The following MYO9B variants were observed in gnomAD, a reference collection of about 807,000 sequenced individuals.
The protein encoded by MYO9B is unconventional myosin-IXb.
Under a neutral mutation model 229.5 loss-of-function variants are expected in MYO9B, and 71 were observed. That is an observed-to-expected ratio of 0.31 (90% CI 0.26 to 0.38). The LOEUF (loss-of-function observed/expected upper bound fraction) is 0.38. Ranked by LOEUF, MYO9B falls within the 10% of genes least tolerant of loss-of-function variation. The pLI, the probability that MYO9B is intolerant of heterozygous loss-of-function variation, is 1.00. For synonymous variants in MYO9B, 1,185 were observed against 1,235.8 expected, an observed-to-expected ratio of 0.96 and a Z score of 0.86; for missense variants, 2,255 against 2,920.5, an observed-to-expected ratio of 0.77 and a Z score of 5.25.
intron 10 of MYO9B, among the ~76,000 whole-genome samples, chr19:17,166,123 A>ACCT (rs2072656940): frequency 2.0e-5 from 3 of 151,764 alleles, no homozygotes; most frequent in South Asian, 2.1e-4. Flanking sequence ...GTTCACTGCA[A>ACCT]CCTCCACCTC....
Position 17,194,812 on chromosome 19 carries a change from C to T in MYO9B, c.3385C>T (p.Pro1129Ser). The change falls in exon 22 of 40, where the codon CCC becomes TCC. Residue 1129 changes from proline (P) to serine (S), a missense_variant. Coordinates refer to ENST00000682292, the MANE Select transcript of MYO9B (RefSeq NM_004145.4). ...EAPSPEKTLP[P>S]QKTVAAESHE... ...CCCAAGCCCAGAGAAGACTCTCCCA[C>T]CCCAGAAAACCGTGGCGGCTGAAAG... 6.2e-7 allele frequency: 1 copy of T among 1,613,374 alleles called. No homozygotes were observed. Among genetic ancestry groups the T allele is most frequent in the Non-Finnish European group, 8.5e-7 (1 of 1,179,884 alleles).
chr19:17,115,721 G>C (rs149100801), intron 2 of MYO9B, among the ~76,000 whole-genome samples: 2 of 151,578 alleles, frequency 1.3e-5, no homozygotes, highest in African/African-American at 4.9e-5. Flanking sequence ...CACCCACCTC[G>C]TCCCCCACAA....
Position 17,192,989 on chromosome 19 carries a change from A to G in MYO9B, c.3055A>G (p.Lys1019Glu). The G allele has an allele frequency of 6.6e-7, 1 of 1,516,394 alleles. No homozygotes were observed. Among genetic ancestry groups the G allele is most frequent in the South Asian group, 1.2e-5 (1 of 81,344 alleles). 93.9% of individuals were successfully genotyped at this position (1,516,394 alleles called of 1,614,324 possible). The change falls in exon 21 of 40, where the codon AAG (lysine) becomes GAG (glutamate). Residue 1019 changes from lysine (K) to glutamate (E), a missense_variant. Transcript: ENST00000682292. ...CTCATGGAGGGGCTACTGGCAGCGG[A>G]AGCTCTACCGGCACCAGAAACAGAG... ...QASWRGYWQRKLYRHQKQSII... is the reference protein window; with the variant it reads ...QASWRGYWQRELYRHQKQSII...
At chr19:17,086,875 G>A (rs973381391) in intron 1 of MYO9B, among the ~76,000 whole-genome samples, 3 of 64,638 alleles carry the variant, frequency 4.6e-5, no homozygotes, top group African/African-American at 1.3e-4. Context: ...GCAAGACTTC[G>A]TCTCAAAAAA....
At position 17,194,881 on chromosome 19, in the gene MYO9B, C is replaced by A; in HGVS notation, c.3454C>A (p.Arg1152=). The A allele has an allele frequency of 6.2e-7, 1 of 1,613,268 alleles. No individual in the cohort carries two copies. Among genetic ancestry groups the A allele is most frequent in the South Asian group, 1.1e-5 (1 of 91,076 alleles). The change falls in exon 22 of 40, where the codon CGG becomes AGG. Residue 1152 remains arginine (R), a synonymous_variant. Coordinates refer to ENST00000682292, the MANE Select transcript of MYO9B (RefSeq NM_004145.4). Reference sequence around the variant, plus strand: ...CAGCCGGGAGAAGCGTGAGTCGCGTCGGCAAAGAGGGCTGGAGCACGTCAA... The same window carrying A: ...CAGCCGGGAGAAGCGTGAGTCGCGTAGGCAAAGAGGGCTGGAGCACGTCAA... The part of the protein sequence containing the change: ...PSSREKRESR[R]QRGLEHVKFQ...
At chr19:17,088,280 A>T (rs780766972) in intron 1 of MYO9B, among the ~76,000 whole-genome samples, 6 of 152,072 alleles carry the variant, frequency 3.9e-5, no homozygotes, top group Non-Finnish European at 8.8e-5. Context: ...TTTTCCTTTT[A>T]TAAGGACGCC....
intron 2 of MYO9B, among the ~76,000 whole-genome samples, chr19:17,125,316 A>AC (rs2058006577): frequency 7.6e-6 from 1 of 131,440 alleles, no homozygotes; most frequent in Non-Finnish European, 1.6e-5. Flanking sequence ...CCCCAAAAAA[A>AC]GGGTAAGATG....
In MYO9B at chr19:17,203,142, C is replaced by T. The variant is rs1425926441; in HGVS notation, c.4879-5C>T. 3 of 1,563,598 alleles carry T rather than the reference C, an allele frequency of 1.9e-6. No individual in the cohort carries two copies. The highest frequency in any genetic ancestry group is 2.6e-6 in the Non-Finnish European group (3 of 1,153,926). ...CCTGCCCAGCGCCTTCCTCTGGCCT[C>T]ACAGGTCCAGGAGCACAACGGGCAC... is the stretch of plus-strand genomic sequence containing the variant. On this transcript the variant is annotated splice_region_variant and splice_polypyrimidine_tract_variant and intron_variant, in intron 29 of 39. Transcript: ENST00000682292.
At chr19:17,165,396 T>G (rs568997480) in intron 10 of MYO9B, among the ~76,000 whole-genome samples, 103 of 151,962 alleles carry the variant, frequency 6.8e-4, no homozygotes, top group Middle Eastern at 6.8e-3. Context: ...CCTTTTTTTT[T>G]ACTTTTTACA....
Position 17,112,318 on chromosome 19 carries a change from A to C in MYO9B, c.840+9761A>C, listed in dbSNP as rs77812071. Among the ~76,000 whole-genome samples, 1,358 of 152,220 alleles carry C rather than the reference A, an allele frequency of 8.9e-3. 8 individuals are homozygous for C. The highest frequency in any genetic ancestry group is 0.027 in the Middle Eastern group (8 of 294). The stretch of plus-strand genomic sequence containing the variant: ...GGAGCCGGGGTGGGAGGAAGCAAGA[A>C]GGGGGCAGGCGTGCCCAGGTATAGC... On this transcript the variant is annotated intron_variant, in intron 2 of 39. Transcript: ENST00000682292.
intron 2 of MYO9B, among the ~76,000 whole-genome samples, chr19:17,104,674 C>T (rs1245435346): frequency 6.6e-6 from 1 of 152,058 alleles, no homozygotes; most frequent in Admixed American, 6.6e-5. Flanking sequence ...GATCCTCCCA[C>T]CTTGGCCTCC....
chr19:17,140,579 C>T (rs1018825994), intron 2 of MYO9B, among the ~76,000 whole-genome samples: 1 of 151,936 alleles, frequency 6.6e-6, no homozygotes, highest in Non-Finnish European at 1.5e-5. Context: ...ACCTCCGCCT[C>T]CCGGGTTCAA....
chr19:17,201,876 G>C (rs776923394), intron 26 of MYO9B, 50 bp from the exon 27 acceptor site: 3 of 1,426,670 alleles, frequency 2.1e-6, no homozygotes, highest in Non-Finnish European at 2.9e-6. Flanking sequence ...CCTCGGGTAC[G>C]CAGGTCCCCA....
intron 24 of MYO9B, 127 bp downstream of exon 24, chr19:17,198,435 C>T: frequency 1.5e-6 from 2 of 1,326,218 alleles, no homozygotes; most frequent in African/African-American, 1.5e-5. Context: ...GGCATTTGCT[C>T]AGTAGAAACT....
chr19:17,182,070 CT>C lies in MYO9B; in HGVS notation c.2333+1044del, dbSNP rs765799238. On this transcript the variant is annotated intron_variant, in intron 15 of 39. Transcript: ENST00000682292. ...GGGATTACAGGCATGATTCACCGCC[CT>C]TTTTTTTTTTTTTCTTTTTTAAGAG... Among the ~76,000 whole-genome samples, 711 of 142,198 alleles carry C rather than the reference CT, an allele frequency of 5.0e-3. 5 individuals are homozygous for C. Among genetic ancestry groups the C allele is most frequent in the African/African-American group, 0.012 (471 of 38,916 alleles). The allele number at this position is 142,198 out of a possible 152,430, so 93.3% of individuals were successfully genotyped here.
At chr19:17,180,341 ATTT>A (rs776734202) in intron 14 of MYO9B, among the ~76,000 whole-genome samples, 2 of 88,004 alleles carry the variant, frequency 2.3e-5, no homozygotes, top group Non-Finnish European at 2.1e-5. Flanking sequence ...GATGGAAATA[ATTT>A]TTTTTTTTTT....
At position 17,202,206 on chromosome 19, in the gene MYO9B, G is replaced by A. The variant is rs750002863; in HGVS notation, c.4739G>A (p.Arg1580His). The change falls in exon 28 of 40, where the codon CGT (arginine) becomes CAT (histidine). Residue 1580 changes from arginine (R) to histidine (H), a missense_variant. Arg to His is a conservative substitution (Grantham distance 29, BLOSUM62 0). Coordinates refer to ENST00000682292, the MANE Select transcript of MYO9B (RefSeq NM_004145.4). ...QIVVSNLATE[R>H]GQKDTNLVLN... ...GTCGTCAGCAACCTGGCCACTGAGC[G>A]TGGCCAGAAGGACACCAACCTGGTC... 1.9e-5 allele frequency: 30 copies of A among 1,612,814 alleles called. No homozygotes were observed. Among genetic ancestry groups the A allele is most frequent in the African/African-American group, 5.3e-5 (4 of 74,880 alleles).
At chr19:17,177,029 C>T (rs1057345890) in intron 14 of MYO9B, among the ~76,000 whole-genome samples, 1 of 152,116 alleles carries the variant, frequency 6.6e-6, no homozygotes, top group Non-Finnish European at 1.5e-5. Flanking sequence ...GGTGAAACCT[C>T]GTCTCTACTA....
intron 1 of MYO9B, among the ~76,000 whole-genome samples, chr19:17,076,172 C>T (rs2057481484): frequency 6.8e-6 from 1 of 148,002 alleles, no homozygotes; most frequent in Non-Finnish European, 1.5e-5. Context: ...ATTGGGGGGT[C>T]GCAGGAAACG....
Sources: allele counts gnomAD v4.1 joint callset (sites outside exome capture counted in the v4.1 genomes callset), GRCh38; gene constraint gnomAD v4.1.1; transcripts MANE v1.5; gene names NCBI Gene and HGNC (gene_info 2026-07-23, HGNC 2026-07-21).